The following KRT40 variants were observed in gnomAD, a reference collection of about 807,000 sequenced individuals.
The protein encoded by KRT40 is keratin, type I cytoskeletal 40.
In KRT40, 47 loss-of-function variants were observed where a neutral mutation model predicts 43.5. That is an observed-to-expected ratio of 1.08 (90% CI 0.86 to 1.38). The LOEUF (loss-of-function observed/expected upper bound fraction) is 1.38. KRT40 is among the 40% of genes most tolerant of loss of function. The pLI, the probability that KRT40 is intolerant of heterozygous loss-of-function variation, is 0.00. For synonymous variants in KRT40, 212 were observed against 214.0 expected (o/e 0.99, Z 0.08); for missense variants, 573 against 523.6 (o/e 1.09, Z -0.92).
upstream of KRT40, among the ~76,000 whole-genome samples, chr17:40,986,001 G>C (rs143492846): frequency 5.4e-3 from 818 of 152,264 alleles, 2 homozygotes; most frequent in African/African-American, 0.019. Flanking sequence ...TTTGTTACTG[G>C]TTATTGTCCT....
At position 40,980,714 on chromosome 17, in the gene KRT40, T is replaced by C. The variant is rs1912091699; in HGVS notation, c.975+71A>G. The C allele has an allele frequency of 5.3e-6, 8 of 1,501,756 alleles. No homozygotes were observed. In the Admixed American group the frequency reaches 9.1e-5, roughly 17 times the overall value. The allele number at this position is 1,501,756 out of a possible 1,614,324, so 93.0% of individuals were successfully genotyped here. A position where few individuals can be genotyped will look rare whatever the true frequency, so the allele number is the denominator to read the frequency against. ...GGCAAGGAAATGTGATCCTCGGATA[T>C]GGAAGAGGGCTTAACATCTCAGGGC... On this transcript the variant is annotated intron_variant, in intron 5 of 6. Transcript: ENST00000377755.
chr17:40,985,347 A>T (rs1490937677), upstream of KRT40, among the ~76,000 whole-genome samples: 1 of 152,082 alleles, frequency 6.6e-6, no homozygotes, highest in Non-Finnish European at 1.5e-5. Context: ...GAGATACGTA[A>T]TTTTTTTGAA....
Position 40,984,072 on chromosome 17 carries a change from A to C in KRT40, c.202T>G (p.Cys68Gly), listed in dbSNP as rs770275534. 3 of 1,614,056 alleles carry C rather than the reference A, an allele frequency of 1.9e-6. No individual in the cohort carries two copies. The highest frequency in any genetic ancestry group is 3.3e-5 in the Admixed American group (2 of 60,000). Residue 68 changes from cysteine to glycine, a missense_variant, in exon 1 of 7, where the codon TGT becomes GGT. Physicochemically the swap from Cys to Gly is radical, Grantham distance 159. Coordinates refer to ENST00000377755, the MANE Select transcript of KRT40 (RefSeq NM_001389244.1). The stretch of plus-strand genomic sequence containing the variant: ...TTCCCCACCAAGCAGGGACTATTAC[A>C]ACTCCCAGTAAAGTAGCATGGCAGG... ...CLLPCYFTGS[C>G]NSPCLVGNCA...
upstream of KRT40, among the ~76,000 whole-genome samples, chr17:40,985,625 T>C (rs1454692696): frequency 2.6e-5 from 4 of 152,176 alleles, no homozygotes; most frequent in South Asian, 8.3e-4. Flanking sequence ...AGAACATATG[T>C]AAGTGAGTTA....
intron 5 of KRT40, among the ~76,000 whole-genome samples, chr17:40,980,528 G>A (rs192120192): frequency 2.6e-5 from 4 of 152,288 alleles, no homozygotes; most frequent in South Asian, 2.1e-4. Context: ...ACCATGGCCC[G>A]GAGGTTTCTC....
In KRT40 at chr17:40,984,080, G is replaced by T; in HGVS notation, c.194C>A (p.Thr65Asn). ...LTGCLLPCYFTGSCNSPCLVG... is the reference protein window; with the variant it reads ...LTGCLLPCYFNGSCNSPCLVG... ...CAAGCAGGGACTATTACAACTCCCAGTAAAGTAGCATGGCAGGAGGCAACC... is the reference window on the plus strand; with the variant it reads ...CAAGCAGGGACTATTACAACTCCCATTAAAGTAGCATGGCAGGAGGCAACC... Residue 65 changes from threonine (T) to asparagine (N), a missense_variant, in exon 1 of 7, where the codon ACT (threonine) becomes AAT (asparagine). Transcript: ENST00000377755. 2.5e-6 allele frequency: 4 copies of T among 1,614,132 alleles called. No individual in the cohort carries two copies. Among genetic ancestry groups the T allele is most frequent in the Non-Finnish European group, 3.4e-6 (4 of 1,180,034 alleles).
Position 40,978,016 on chromosome 17 carries a change from C to T in KRT40, c.*181G>A. On this transcript the variant is annotated 3_prime_UTR_variant, in exon 7 of 7. Transcript: ENST00000377755. ...AATGCTTTATGGGCTTCCAGTATAC[C>T]ACAAATAAGCCGGAAGGAGAGGAAA... The T allele has an allele frequency of 1.8e-6, 1 of 558,924 alleles. No individual in the cohort carries two copies. The highest frequency in any genetic ancestry group is 2.5e-5 in the South Asian group (1 of 40,094). The allele number at this position is 558,924 out of a possible 1,614,324, so 34.6% of individuals were successfully genotyped here. A position where few individuals can be genotyped will look rare whatever the true frequency, so the allele number is the denominator to read the frequency against.
chr17:40,981,405 C>T, intron 3 of KRT40: 2 of 689,640 alleles, frequency 2.9e-6, no homozygotes, highest in Non-Finnish European at 5.1e-6. Context: ...ACATAATTAA[C>T]TTATAAAAGT....
chr17:40,984,564 A>G (rs1912378382), upstream of KRT40, among the ~76,000 whole-genome samples: 1 of 152,232 alleles, frequency 6.6e-6, no homozygotes, highest in Non-Finnish European at 1.5e-5. Flanking sequence ...AAATCGTCAT[A>G]GGAAGCATTG....
chr17:40,981,018 C>T lies in KRT40; in HGVS notation c.821G>A (p.Arg274Lys). 2 of 1,614,232 alleles carry T rather than the reference C, an allele frequency of 1.2e-6. No individual in the cohort carries two copies. The highest frequency in any genetic ancestry group is 1.7e-6 in the Non-Finnish European group (2 of 1,180,046). ...QCETVLANNR[R>K]EAEEWLAVQT... ...AACAGCCAACCATTCTTCAGCTTCT[C>T]TGCGATTGTTGGCAAGCACCGTTTC... The change falls in exon 4 of 7, where the codon AGA (arginine) becomes AAA (lysine). Residue 274 changes from arginine to lysine, a missense_variant. Transcript: ENST00000377755.
At chr17:40,982,178 T>C in intron 3 of KRT40, 129 bp downstream of exon 3, 2 of 832,128 alleles carry the variant, frequency 2.4e-6, no homozygotes, top group Middle Eastern at 3.4e-4. Flanking sequence ...TGCCTGGCCC[T>C]GCCTCAAGTA....
At chr17:40,984,435 C>G (rs1912372706), upstream of KRT40, 1 of 603,712 alleles carries the variant, frequency 1.7e-6, no homozygotes, top group South Asian at 2.1e-5. Context: ...ACAAACATCT[C>G]ATTAGAGTTG....
chr17:40,984,193 G>A lies in KRT40; in HGVS notation c.81C>T (p.Cys27=), dbSNP rs770756346. 6 of 1,614,032 alleles carry A rather than the reference G, an allele frequency of 3.7e-6. No individual in the cohort carries two copies. In the South Asian group the frequency reaches 6.6e-5, roughly 18 times the overall value. ...CGGGGAGACAAGCTGTTTCCACGGA[G>A]CAGCTTGAGGCAGGTGCACAACCGG... The part of the protein sequence containing the change: ...TASGCAPASS[C]SVETACLPGT... The change falls in exon 1 of 7, where the codon TGC becomes TGT. Residue 27 remains cysteine, a synonymous_variant. Transcript: ENST00000377755.
Position 40,982,404 on chromosome 17 carries a change from C to T in KRT40, c.590G>A (p.Gly197Glu). Residue 197 changes from glycine (G) to glutamate (E), a missense_variant, in exon 3 of 7, where the codon GGG (glycine) becomes GAG (glutamate). Gly to Glu is a moderately conservative substitution (Grantham distance 98). Coordinates refer to ENST00000377755, the MANE Select transcript of KRT40 (RefSeq NM_001389244.1). ...LLEADISSLHGILEELTLCKS... is the reference protein window; with the variant it reads ...LLEADISSLHEILEELTLCKS... The stretch of plus-strand genomic sequence containing the variant: ...GCACAGGGTCAGTTCCTCCAGGATC[C>T]CATGCAGGCTGCTGATGTCAGCCTC... The T allele has an allele frequency of 6.2e-7, 1 of 1,610,832 alleles. No individual in the cohort carries two copies. Among genetic ancestry groups the T allele is most frequent in the Non-Finnish European group, 8.5e-7 (1 of 1,178,476 alleles).
chr17:40,985,740 T>C (rs1912440904), upstream of KRT40, among the ~76,000 whole-genome samples: 1 of 152,194 alleles, frequency 6.6e-6, no homozygotes, highest in South Asian at 2.1e-4. Flanking sequence ...GAGTGTCTCA[T>C]GGTATATTGA....
At position 40,981,016 on chromosome 17, in the gene KRT40, C is replaced by A; in HGVS notation, c.823G>T (p.Glu275Ter). 1 of 1,614,232 alleles carries A rather than the reference C, an allele frequency of 6.2e-7. No individual in the cohort carries two copies. The highest frequency in any genetic ancestry group is 8.5e-7 in the Non-Finnish European group (1 of 1,180,048). ...TGAACAGCCAACCATTCTTCAGCTT[C>A]TCTGCGATTGTTGGCAAGCACCGTT... ...CETVLANNRR[E>*]AEEWLAVQTE... is the part of the protein sequence containing the mutation. Residue 275 changes from glutamate to a stop codon, truncating the protein, a stop_gained, in exon 4 of 7, where the codon GAA becomes TAA. Coordinates refer to ENST00000377755, the MANE Select transcript of KRT40 (RefSeq NM_001389244.1). LOFTEE classifies it high-confidence loss of function.
rs569878094 is a variant in KRT40, at chr17:40,979,016, A to G, written c.984T>C (p.Ser328=). Residue 328 remains serine, a synonymous_variant, in exon 6 of 7, where the codon TCT becomes TCC. Coordinates refer to ENST00000377755, the MANE Select transcript of KRT40 (RefSeq NM_001389244.1). ...CGGTTTCTGCCACGGTGCATTCCAG[A>G]GATTCTGTCTGCGGGAGGAAACATT... ...ELQAQQSLTE[S]LECTVAETEA... 7 of 1,612,920 alleles carry G rather than the reference A, an allele frequency of 4.3e-6. No homozygotes were observed. The East Asian group carries it at 1.6e-4, about 36-fold the overall frequency.
Position 40,980,854 on chromosome 17 carries a change from C to G in KRT40, c.906G>C (p.Gln302His). 6.2e-7 allele frequency: 1 copy of G among 1,613,430 alleles called. No homozygotes were observed. The highest frequency in any genetic ancestry group is 8.5e-7 in the Non-Finnish European group (1 of 1,179,944). The change falls in exon 5 of 7, where the codon CAG becomes CAC. Residue 302 changes from glutamine (Q) to histidine (H), a missense_variant. By Grantham distance (24) the Gln-to-His change is conservative. Transcript: ENST00000377755. ...TGCGTTTCAGTTCCAAGATCTCCAT[C>G]TGGCAGCCCTGCAGCTGCTCCGCGC... ...LSSAEQLQGC[Q>H]MEILELKRTA...
chr17:40,984,067 A>G lies in KRT40; in HGVS notation c.207T>C (p.Asn69=). Residue 69 remains asparagine (N), a synonymous_variant, in exon 1 of 7, where the codon AAT becomes AAC. Coordinates refer to ENST00000377755, the MANE Select transcript of KRT40 (RefSeq NM_001389244.1). The stretch of plus-strand genomic sequence containing the variant: ...CACAGTTCCCCACCAAGCAGGGACT[A>G]TTACAACTCCCAGTAAAGTAGCATG... The part of the protein sequence containing the change: ...LLPCYFTGSC[N]SPCLVGNCAW... 2 of 1,614,118 alleles carry G rather than the reference A, an allele frequency of 1.2e-6. No homozygotes were observed. Among genetic ancestry groups the G allele is most frequent in the South Asian group, 2.2e-5 (2 of 91,082 alleles).
Sources: allele counts gnomAD v4.1 joint callset (sites outside exome capture counted in the v4.1 genomes callset), GRCh38; gene constraint gnomAD v4.1.1; transcripts MANE v1.5; gene names NCBI Gene and HGNC (gene_info 2026-07-23, HGNC 2026-07-21).